CALM3: variants seen among roughly 807,000 people sequenced by gnomAD.
CALM3 encodes the protein calmodulin 3.
Under a neutral mutation model 20.1 loss-of-function variants are expected in CALM3, and 5 were observed. The observed-to-expected ratio is 0.25, with a 90% CI of 0.13 to 0.52. The LOEUF (loss-of-function observed/expected upper bound fraction) is 0.52. CALM3 is among the 20% of genes least tolerant of loss of function. CALM3 has a pLI of 0.96. For missense variants in CALM3, 57 were observed against 192.8 expected (o/e 0.30, Z 4.17); for synonymous variants, 69 against 68.1 (o/e 1.01, Z -0.06).
rs1231331481 is a variant in CALM3, at chr19:46,609,911, C to T, written c.*758C>T. On this transcript the variant is annotated 3_prime_UTR_variant, in exon 6 of 6. Transcript: ENST00000291295. ...GACTTGCCCGCGTTCCTGAAGCGCT[C>T]TCGAGCTGTTCTGTAAATACCTGGT... 6.5e-6 allele frequency: 1 copy of T among 152,816 alleles called. No individual in the cohort carries two copies. Among genetic ancestry groups the T allele is most frequent in the African/African-American group, 2.4e-5 (1 of 41,438 alleles). The allele number at this position is 152,816 out of a possible 1,614,324, so 9.5% of individuals were successfully genotyped here.
chr19:46,608,892 C>T lies in CALM3; in HGVS notation c.332C>T (p.Thr111Met), dbSNP rs764512871. The T allele has an allele frequency of 1.2e-6, 2 of 1,604,030 alleles. No individual in the cohort carries two copies. Among genetic ancestry groups the T allele is most frequent in the East Asian group, 2.2e-5 (1 of 44,832 alleles). The change falls in exon 5 of 6, where the codon ACG becomes ATG. Residue 111 changes from threonine to methionine, a missense_variant. Thr to Met is a moderately conservative substitution (Grantham distance 81, BLOSUM62 -1). Coordinates refer to ENST00000291295, the MANE Select transcript of CALM3 (RefSeq NM_005184.4). This position sits in a 1 kb window ranked among gnomAD's most constrained non-coding sequence, Gnocchi z 5.5. ...GCCGCAGAGCTGCGTCACGTAATGA[C>T]GAACCTGGGGGAGAAGCTGACCGAT... ...ISAAELRHVM[T>M]NLGEKLTDEE...
chr19:46,607,649 G>A (rs1449389043), intron 2 of CALM3, among the ~76,000 whole-genome samples: 1 of 152,188 alleles, frequency 6.6e-6, no homozygotes, highest in Non-Finnish European at 1.5e-5. Context: ...CACACGCAGT[G>A]GCTCAGCTCC....
upstream of CALM3, chr19:46,601,144 C>T (rs1971600348): frequency 1.5e-5 from 10 of 656,880 alleles, no homozygotes; most frequent in Non-Finnish European, 2.5e-5. This position sits in a 1 kb window ranked among gnomAD's most constrained non-coding sequence, Gnocchi z 4.2. Flanking sequence ...AATTCCTGTG[C>T]AGGGTGGGGA....
intron 1 of CALM3, chr19:46,602,249 C>T (rs748821444): frequency 1.1e-5 from 15 of 1,332,684 alleles, no homozygotes; most frequent in Non-Finnish European, 1.5e-5. Context: ...GGACAGGGAC[C>T]CTTGGGGTTA....
chr19:46,609,476 C>T lies in CALM3; in HGVS notation c.*323C>T. Reference sequence around the variant, plus strand: ...CTCTGCCCTCCTCCAGCCCGGATGGCTCTCCTCCATTTTGGTTTGTTTCCT... The same window carrying T: ...CTCTGCCCTCCTCCAGCCCGGATGGTTCTCCTCCATTTTGGTTTGTTTCCT... On this transcript the variant is annotated 3_prime_UTR_variant, in exon 6 of 6. Coordinates refer to ENST00000291295, the MANE Select transcript of CALM3 (RefSeq NM_005184.4). The T allele has an allele frequency of 2.3e-6, 1 of 428,068 alleles. No homozygotes were observed. The highest frequency in any genetic ancestry group is 4.2e-6 in the Non-Finnish European group (1 of 238,570). The allele number at this position is 428,068 out of a possible 1,614,324, so 26.5% of individuals were successfully genotyped here. A position where few individuals can be genotyped will look rare whatever the true frequency, so the allele number is the denominator to read the frequency against.
Position 46,608,164 on chromosome 19 carries a change from G to A in CALM3, c.35-33G>A, listed in dbSNP as rs1334550271. On this transcript the variant is annotated intron_variant, in intron 2 of 5. Coordinates refer to ENST00000291295, the MANE Select transcript of CALM3 (RefSeq NM_005184.4). The surrounding 1 kb of genome is among the most constrained non-coding windows in gnomAD (Gnocchi z 5.5). ...AGGTAAGGATTCTCCTGTGGACCTTGTGACCTCTGACTCCTCCCCCTTCTT... is the reference window on the plus strand; with the variant it reads ...AGGTAAGGATTCTCCTGTGGACCTTATGACCTCTGACTCCTCCCCCTTCTT... 1.5e-5 allele frequency: 24 copies of A among 1,604,890 alleles called. No individual in the cohort carries two copies. The highest frequency in any genetic ancestry group is 2.0e-5 in the Non-Finnish European group (23 of 1,175,770).
rs183554340 is a variant in CALM3 at position 46,609,513 on chromosome 19, T to A, written c.*360T>A. 437 of 314,440 alleles carry A rather than the reference T, an allele frequency of 1.4e-3. No homozygotes were observed. The highest frequency in any genetic ancestry group is 2.1e-3 in the Non-Finnish European group (350 of 167,870). The allele number at this position is 314,440 out of a possible 1,614,324, so 19.5% of individuals were successfully genotyped here. The stretch of plus-strand genomic sequence containing the variant: ...TTGGTTTGTTTCCTCTTGTTTGTCA[T>A]CTTATTTTGGGTGCTGGGGTGGCTG... On this transcript the variant is annotated 3_prime_UTR_variant, in exon 6 of 6. Coordinates refer to ENST00000291295, the MANE Select transcript of CALM3 (RefSeq NM_005184.4).
In CALM3 at chr19:46,601,489, CG is replaced by C; in HGVS notation, c.3+56del. On this transcript the variant is annotated intron_variant, in intron 1 of 5. Transcript: ENST00000291295. This position sits in a 1 kb window ranked among gnomAD's most constrained non-coding sequence, Gnocchi z 4.2. Reference sequence around the variant, plus strand: ...GCTGCGGGCTCTGAGGCGGGCTTAACGGGGCAGGACCCCTGAGGGGGCGACA... The same window carrying C: ...GCTGCGGGCTCTGAGGCGGGCTTAACGGGCAGGACCCCTGAGGGGGCGACA... The C allele has an allele frequency of 1.4e-6, 2 of 1,410,320 alleles. No homozygotes were observed. Among genetic ancestry groups the C allele is most frequent in the Non-Finnish European group, 9.3e-7 (1 of 1,074,992 alleles). 87.4% of individuals were successfully genotyped at this position (1,410,320 alleles called of 1,614,324 possible).
chr19:46,609,018 G>C lies in CALM3; in HGVS notation c.421+37G>C. On this transcript the variant is annotated intron_variant, in intron 5 of 5. Transcript: ENST00000291295. ...CCAGGCTTGATCTCTGGAACAAGAA[G>C]AGAATCGCAGCTTCAGGAACAAGCC... is the stretch of plus-strand genomic sequence containing the variant. 3 of 1,607,168 alleles carry C rather than the reference G, an allele frequency of 1.9e-6. No individual in the cohort carries two copies. The Admixed American group carries it at 5.1e-5, about 27-fold the overall frequency.
rs1013366955 is a variant in CALM3, at chr19:46,605,522, C to T, written c.4-305C>T. The stretch of plus-strand genomic sequence containing the variant: ...TTGGGGCTGGGGCAGGCTTTTCTCC[C>T]GCCCCTGTGGCTCCCACATGCTGAG... On this transcript the variant is annotated intron_variant, in intron 1 of 5. Coordinates refer to ENST00000291295, the MANE Select transcript of CALM3 (RefSeq NM_005184.4). The surrounding 1 kb of genome is among the most constrained non-coding windows in gnomAD (Gnocchi z 4.1). Among the ~76,000 whole-genome samples the T allele has an allele frequency of 3.9e-5, 6 of 152,244 alleles. No homozygotes were observed. Among genetic ancestry groups the T allele is most frequent in the Admixed American group, 2.6e-4 (4 of 15,290 alleles).
At chr19:46,601,145 A>G, upstream of CALM3, 2 of 616,288 alleles carry the variant, frequency 3.2e-6, no homozygotes, top group East Asian at 6.4e-5. This position sits in a 1 kb window ranked among gnomAD's most constrained non-coding sequence, Gnocchi z 4.2. Context: ...ATTCCTGTGC[A>G]GGGTGGGGAC....
chr19:46,602,306 A>C, intron 1 of CALM3: 1 of 905,592 alleles, frequency 1.1e-6, no homozygotes, highest in Non-Finnish European at 1.5e-6. Flanking sequence ...GTGGGTTAAG[A>C]CTGTTGCTCT....
In CALM3 at chr19:46,608,703, T is replaced by A; in HGVS notation, c.285+115T>A. 1.6e-6 allele frequency: 2 copies of A among 1,265,634 alleles called. No individual in the cohort carries two copies. Among genetic ancestry groups the A allele is most frequent in the South Asian group, 1.4e-5 (1 of 73,444 alleles). 78.4% of individuals were successfully genotyped at this position (1,265,634 alleles called of 1,614,324 possible). On this transcript the variant is annotated intron_variant, in intron 4 of 5. Coordinates refer to ENST00000291295, the MANE Select transcript of CALM3 (RefSeq NM_005184.4). This position sits in a 1 kb window ranked among gnomAD's most constrained non-coding sequence, Gnocchi z 5.5. Reference sequence around the variant, plus strand: ...GGAGGTCCGGGTCCCGGTGCCAGCCTCATTGCCAACCTGCTCTGCCACCTC... The same window carrying A: ...GGAGGTCCGGGTCCCGGTGCCAGCCACATTGCCAACCTGCTCTGCCACCTC...
At position 46,601,395 on chromosome 19, in the gene CALM3, G is replaced by C. The variant is rs780743462; in HGVS notation, c.-40G>C. The C allele has an allele frequency of 8.0e-6, 12 of 1,505,640 alleles. No homozygotes were observed. The South Asian group carries it at 1.5e-4, about 18-fold the overall frequency. The allele number at this position is 1,505,640 out of a possible 1,614,324, so 93.3% of individuals were successfully genotyped here. On this transcript the variant is annotated 5_prime_UTR_variant, in exon 1 of 6. Transcript: ENST00000291295. The surrounding 1 kb of genome is among the most constrained non-coding windows in gnomAD (Gnocchi z 4.2). ...GCTGCAGCTGCTGCCGCCGCCGGAG[G>C]AACCTTGATCCCCGTGCTCCGGACA... is the stretch of plus-strand genomic sequence containing the variant.
intron 1 of CALM3, among the ~76,000 whole-genome samples, chr19:46,603,952 G>T (rs1437694049): frequency 6.6e-6 from 1 of 152,122 alleles, no homozygotes; most frequent in South Asian, 2.1e-4. Context: ...CAGCCTCCTC[G>T]CCCCCACCCC....
chr19:46,601,209 G>A (rs2122209191), upstream of CALM3: 1 of 307,272 alleles, frequency 3.3e-6, no homozygotes, highest in Non-Finnish European at 5.5e-6. This position sits in a 1 kb window ranked among gnomAD's most constrained non-coding sequence, Gnocchi z 4.2. Flanking sequence ...ATCCGTGGGA[G>A]CCGCAGTGCG....
intron 2 of CALM3, among the ~76,000 whole-genome samples, chr19:46,607,009 C>A (rs1430286734): frequency 6.6e-6 from 1 of 152,218 alleles, no homozygotes; most frequent in Non-Finnish European, 1.5e-5. Flanking sequence ...TCCCCTCAAC[C>A]CGCATCACAG....
chr19:46,607,807 C>G (rs1971774909), intron 2 of CALM3, among the ~76,000 whole-genome samples: 1 of 152,242 alleles, frequency 6.6e-6, no homozygotes, highest in Admixed American at 6.5e-5. Context: ...CACACTCAGA[C>G]AAAGAATCCT....
intron 2 of CALM3, among the ~76,000 whole-genome samples, chr19:46,606,522 T>A (rs1275313238): frequency 6.6e-6 from 1 of 152,214 alleles, no homozygotes; most frequent in Non-Finnish European, 1.5e-5. Flanking sequence ...TCACCTGTTG[T>A]ATCTCCTGTT....
Sources: gnomAD v4.1 joint callset for allele counts (sites outside exome capture counted in the v4.1 genomes callset) on GRCh38, gnomAD v4.1.1 for gene constraint, Gnocchi (gnomAD v3.1) non-coding constraint, MANE v1.5 for transcripts, NCBI Gene and HGNC (gene_info 2026-07-23, HGNC 2026-07-21) for gene names.